ETV6: variants seen among roughly 807,000 people sequenced by gnomAD.
The protein encoded by ETV6 is ETS variant transcription factor 6, also known as transcription factor ETV6.
ETV6 carries 16 observed loss-of-function variants against 51.1 expected under a neutral mutation model. The ratio of observed to expected loss-of-function variants is 0.31; its 90% CI spans 0.21 to 0.48. ETV6 has a LOEUF of 0.48. Among genes scored for constraint, ETV6 ranks in the 20% least tolerant of loss-of-function variants. The pLI, the probability that ETV6 is intolerant of heterozygous loss-of-function variation, is 0.99. For missense variants in ETV6, 458 were observed against 594.8 expected, an observed-to-expected ratio of 0.77 and a Z score of 2.39; for synonymous variants, 240 against 224.1, an observed-to-expected ratio of 1.07 and a Z score of -0.64.
rs1287637147 is a variant in ETV6, at chr12:11,891,591, G to C, written c.*545G>C. The C allele has an allele frequency of 1.9e-6, 1 of 530,964 alleles. No individual in the cohort carries two copies. Among genetic ancestry groups the C allele is most frequent in the South Asian group, 1.6e-5 (1 of 64,208 alleles). 32.9% of individuals were successfully genotyped at this position (530,964 alleles called of 1,614,324 possible). A position where few individuals can be genotyped will look rare whatever the true frequency, so the allele number is the denominator to read the frequency against. ...TCAGGTCTGTTCCTGTTACTGTTGG[G>C]TCTTGGCTGAAAAAAAAAAATGCTT... On this transcript the variant is annotated 3_prime_UTR_variant, in exon 8 of 8. Coordinates refer to ENST00000396373, the MANE Select transcript of ETV6 (RefSeq NM_001987.5).
intron 2 of ETV6, among the ~76,000 whole-genome samples, chr12:11,811,581 C>T (rs1945914855): frequency 6.6e-6 from 1 of 152,038 alleles, no homozygotes; most frequent in South Asian, 2.1e-4. Flanking sequence ...TTTTTAAATC[C>T]CTTCCTGGAT....
chr12:11,710,810 C>T (rs2120880142), intron 1 of ETV6, among the ~76,000 whole-genome samples: 1 of 152,240 alleles, frequency 6.6e-6, no homozygotes, highest in Non-Finnish European at 1.5e-5. Context: ...TTCCTGAGCC[C>T]TAAGAAGAAA....
At chr12:11,784,454 ATC>A in intron 2 of ETV6, among the ~76,000 whole-genome samples, 1 of 34,592 alleles carries the variant, frequency 2.9e-5, no homozygotes, top group South Asian at 1.3e-3. Context: ...GCGAGACTCC[ATC>A]TCAAAAAAAA....
chr12:11,784,862 A>ATTTT lies in ETV6; in HGVS notation c.163+32304_163+32307dup, dbSNP rs34004409. Among the ~76,000 whole-genome samples the ATTTT allele has an allele frequency of 1.2e-3, 99 of 85,736 alleles. 2 individuals carry two copies. The highest frequency in any genetic ancestry group is 3.1e-3 in the South Asian group (7 of 2,244). The allele number at this position is 85,736 out of a possible 152,430, so 56.2% of individuals were successfully genotyped here. On this transcript the variant is annotated intron_variant, in intron 2 of 7. Coordinates refer to ENST00000396373, the MANE Select transcript of ETV6 (RefSeq NM_001987.5). ...CAAGTGTGCACCCCGTGCCTTGCTA[A>ATTTT]TTTTTTTTTTTTTTTTTTTTTTTTG... is the stretch of plus-strand genomic sequence containing the variant.
At chr12:11,793,240 T>C (rs1945630456) in intron 2 of ETV6, among the ~76,000 whole-genome samples, 1 of 152,184 alleles carries the variant, frequency 6.6e-6, no homozygotes, top group South Asian at 2.1e-4. Flanking sequence ...GCTCATTTTA[T>C]CCTCCCAAGA....
At chr12:11,742,374 C>T (rs11054439) in intron 1 of ETV6, among the ~76,000 whole-genome samples, 48,633 of 152,056 alleles carry the variant, frequency 0.32, 8,066 homozygotes, top group East Asian at 0.43. Flanking sequence ...GGAATGATGC[C>T]TTTTCTGAGT....
intron 1 of ETV6, among the ~76,000 whole-genome samples, chr12:11,736,641 A>G (rs1865707557): frequency 6.6e-6 from 1 of 152,230 alleles, no homozygotes; most frequent in Non-Finnish European, 1.5e-5. Context: ...GGATCATAGT[A>G]GGTAAGGTGT....
At chr12:11,855,499 G>C (rs931332079) in intron 4 of ETV6, among the ~76,000 whole-genome samples, 4 of 152,276 alleles carry the variant, frequency 2.6e-5, no homozygotes, top group African/African-American at 9.6e-5. Context: ...AGATTACTAG[G>C]GACCTCAAAC....
At chr12:11,885,027 A>G (rs1947163938) in intron 6 of ETV6, among the ~76,000 whole-genome samples, 1 of 152,200 alleles carries the variant, frequency 6.6e-6, no homozygotes, top group South Asian at 2.1e-4. Context: ...TTAGATTCTG[A>G]CTGTAAAACA....
At chr12:11,855,728 A>T (rs973272171) in intron 4 of ETV6, among the ~76,000 whole-genome samples, 3 of 152,124 alleles carry the variant, frequency 2.0e-5, no homozygotes, top group Non-Finnish European at 4.4e-5. Context: ...AACGAACAGC[A>T]TTTCGTGCAC....
chr12:11,788,136 A>G (rs1285363669), intron 2 of ETV6, among the ~76,000 whole-genome samples: 1 of 152,262 alleles, frequency 6.6e-6, no homozygotes, highest in African/African-American at 2.4e-5. Context: ...ATTGTTTCTT[A>G]GTCCCCAGGC....
intron 1 of ETV6, among the ~76,000 whole-genome samples, chr12:11,750,614 C>T (rs1866003371): frequency 6.6e-6 from 1 of 152,146 alleles, no homozygotes; most frequent in African/African-American, 2.4e-5. Flanking sequence ...AAGCTATTTC[C>T]GAGAATAAAG....
chr12:11,650,330 C>T (rs1216948001), intron 1 of ETV6, among the ~76,000 whole-genome samples, 170 bp downstream of exon 1: 1 of 133,286 alleles, frequency 7.5e-6, no homozygotes, highest in Non-Finnish European at 1.6e-5. Context: ...TACCCTTTAG[C>T]GTAACCTTGC....
chr12:11,655,225 ATGTT>A (rs1208499129), intron 1 of ETV6, among the ~76,000 whole-genome samples: 2 of 152,178 alleles, frequency 1.3e-5, no homozygotes, highest in African/African-American at 4.8e-5. Context: ...TAGAAATGAC[ATGTT>A]TGTTCTATGT....
intron 3 of ETV6, among the ~76,000 whole-genome samples, chr12:11,841,285 C>G (rs558749907): frequency 6.6e-6 from 1 of 152,300 alleles, no homozygotes; most frequent in South Asian, 2.1e-4. Context: ...GAAGATGGTG[C>G]TGCTCTCAAG....
Position 11,693,115 on chromosome 12 carries a change from A to C in ETV6, c.33+42955A>C, listed in dbSNP as rs1864798579. The stretch of plus-strand genomic sequence containing the variant: ...ATGTACCTTAGAACTTAGGTCTTAG[A>C]GAGTGCCTACCTCTCCTTGGGAGAG... On this transcript the variant is annotated intron_variant, in intron 1 of 7. Coordinates refer to ENST00000396373, the MANE Select transcript of ETV6 (RefSeq NM_001987.5). Among the ~76,000 whole-genome samples the C allele has an allele frequency of 1.3e-5, 2 of 152,198 alleles. 1 individual carries two copies. The highest frequency in any genetic ancestry group is 4.1e-4 in the South Asian group (2 of 4,822).
At chr12:11,689,915 T>C (rs1565487321) in intron 1 of ETV6, among the ~76,000 whole-genome samples, 1 of 150,572 alleles carries the variant, frequency 6.6e-6, no homozygotes, top group Non-Finnish European at 1.5e-5. Flanking sequence ...CTGCTTAGTA[T>C]AACTTCTAGC....
At chr12:11,743,322 A>G (rs1316178477) in intron 1 of ETV6, among the ~76,000 whole-genome samples, 1 of 152,236 alleles carries the variant, frequency 6.6e-6, no homozygotes, top group African/African-American at 2.4e-5. Context: ...TACTGTAGGT[A>G]GAATTCATGA....
intron 7 of ETV6, among the ~76,000 whole-genome samples, chr12:11,888,398 C>CTTTTCTTTTCTTTTTTTT (rs753710183): frequency 6.2e-5 from 5 of 80,680 alleles, no homozygotes; most frequent in African/African-American, 8.9e-5. Flanking sequence ...CTTTTCTTTT[C>CTTTTCTTTTCTTTTTTTT]TTTTTTTTTT....
Sources: gnomAD v4.1 joint callset for allele counts (sites outside exome capture counted in the v4.1 genomes callset) on GRCh38, gnomAD v4.1.1 for gene constraint, MANE v1.5 for transcripts, NCBI Gene and HGNC (gene_info 2026-07-23, HGNC 2026-07-21) for gene names.